Variants in CCDC88A observed in about 807,000 individuals in gnomAD.
CCDC88A encodes the protein coiled-coil and HOOK domain protein 88A, also known as girdin.
In CCDC88A, 54 loss-of-function variants were observed where a neutral mutation model predicts 234.3. That is an observed-to-expected ratio of 0.23 (90% confidence interval 0.19 to 0.29). The LOEUF is 0.29. Ranked by LOEUF, CCDC88A falls within the 10% of genes least tolerant of loss-of-function variation. The pLI, the probability that CCDC88A is intolerant of heterozygous loss-of-function variation, is 1.00. For synonymous variants in CCDC88A, 753 were observed against 737.8 expected, an observed-to-expected ratio of 1.02 and a Z score of -0.33; for missense variants, 1,832 against 2,123.4, an observed-to-expected ratio of 0.86 and a Z score of 2.70.
rs1035474180 is a variant in CCDC88A, at chr2:55,318,935, T to C, written c.3232A>G (p.Asn1078Asp). Residue 1078 changes from asparagine (N) to aspartate (D), a missense_variant, in exon 19 of 33, where the codon AAT becomes GAT. Asn to Asp is a conservative substitution (Grantham distance 23). Around this residue, in one of 6 missense-constraint regions of CCDC88A, gnomAD observed 1,282 missense variants for 1,543.6 expected, o/e 0.83. Transcript: ENST00000436346. Reference protein sequence around the residue: ...QLKQLETQNNNLQAQILALQR... With the variant: ...QLKQLETQNNDLQAQILALQR... ...AGTGCAAGAATCTGAGCCTGCAAAT[T>C]ATTGTTCTGTGTCTCAAGTTGCTTC... The C allele has an allele frequency of 1.9e-6, 3 of 1,613,612 alleles. No individual in the cohort carries two copies. Among genetic ancestry groups the C allele is most frequent in the African/African-American group, 1.3e-5 (1 of 75,052 alleles).
rs1416130437 is a variant in CCDC88A at position 55,334,692 on chromosome 2, A to G, written c.2129T>C (p.Val710Ala). The change falls in exon 15 of 33, where the codon GTA becomes GCA. Residue 710 changes from valine to alanine, a missense_variant. Coordinates refer to ENST00000436346, the MANE Select transcript of CCDC88A (RefSeq NM_001365480.1). The surrounding 1 kb of genome is among the most constrained non-coding windows in gnomAD (Gnocchi z 6.1). ...CATGCTTGCACACTTCAAAGATTCT[A>G]CATTCCTTCGCAGTTCTAAGTTTTC... ...DEENLELRRNVESLKCASMKM... is the reference protein window; with the variant it reads ...DEENLELRRNAESLKCASMKM... The G allele has an allele frequency of 3.7e-6, 6 of 1,613,682 alleles. No homozygotes were observed. The highest frequency in any genetic ancestry group is 2.2e-5 in the East Asian group (1 of 44,832).
At chr2:55,387,242 T>C (rs1574410026) in intron 3 of CCDC88A, among the ~76,000 whole-genome samples, 2 of 150,390 alleles carry the variant, frequency 1.3e-5, no homozygotes, top group East Asian at 3.9e-4. Flanking sequence ...TCTCAATATT[T>C]AATTTGTAGG....
intron 7 of CCDC88A, among the ~76,000 whole-genome samples, chr2:55,358,368 T>A (rs1670862078): frequency 6.6e-6 from 1 of 152,176 alleles, no homozygotes; most frequent in African/African-American, 2.4e-5. Flanking sequence ...TGGTCCACCA[T>A]CAGTTTTCTC....
At position 55,316,006 on chromosome 2, in the gene CCDC88A, T is replaced by C. The variant is rs755503335; in HGVS notation, c.3855A>G (p.Leu1285=). The C allele has an allele frequency of 5.7e-6, 9 of 1,588,830 alleles. No individual in the cohort carries two copies. The highest frequency in any genetic ancestry group is 7.7e-6 in the Non-Finnish European group (9 of 1,167,364). ...CCTTTAGTTTTGAAAATTCAGCTTC[T>C]AATCTTGTTTGTTCCAGTTTGGAAT... The part of the protein sequence containing the change: ...LNNSKLEQTR[L]EAEFSKLKEQ... The change falls in exon 22 of 33, where the codon TTA becomes TTG. Residue 1285 remains leucine (L), a synonymous_variant. Transcript: ENST00000436346.
chr2:55,367,038 T>G (rs1448175807), intron 5 of CCDC88A, among the ~76,000 whole-genome samples: 1 of 152,192 alleles, frequency 6.6e-6, no homozygotes, highest in Non-Finnish European at 1.5e-5. Flanking sequence ...TGAACAAAAT[T>G]TGGCATATAT....
At chr2:55,409,598 C>T (rs2104977825) in intron 2 of CCDC88A, among the ~76,000 whole-genome samples, 1 of 152,272 alleles carries the variant, frequency 6.6e-6, no homozygotes. Context: ...TGAACTAGCC[C>T]TTCATCCCTC....
At chr2:55,322,110 G>C (rs1159028971) in intron 18 of CCDC88A, among the ~76,000 whole-genome samples, 1 of 152,084 alleles carries the variant, frequency 6.6e-6, no homozygotes, top group Admixed American at 6.6e-5. Context: ...CACTATTCTA[G>C]ATAGTAAAGG....
chr2:55,326,631 C>G (rs1056507342), intron 17 of CCDC88A, among the ~76,000 whole-genome samples: 1 of 152,102 alleles, frequency 6.6e-6, no homozygotes, highest in Non-Finnish European at 1.5e-5. Context: ...GGCAGGATGT[C>G]AGCTCACTGC....
chr2:55,374,355 C>T (rs973300922), intron 4 of CCDC88A, among the ~76,000 whole-genome samples: 8 of 151,874 alleles, frequency 5.3e-5, no homozygotes, highest in South Asian at 4.2e-4. Flanking sequence ...GCAACAAGAG[C>T]GAAACTGCAT....
chr2:55,304,420 G>A (rs1256488600), intron 25 of CCDC88A, among the ~76,000 whole-genome samples: 1 of 152,034 alleles, frequency 6.6e-6, no homozygotes, highest in Admixed American at 6.6e-5. Context: ...CAGCACCACT[G>A]AAATAAAAAT....
rs1167947929 is a variant in CCDC88A, at chr2:55,335,724, T to C, written c.1657-560A>G. On this transcript the variant is annotated intron_variant, in intron 14 of 32. Coordinates refer to ENST00000436346, the MANE Select transcript of CCDC88A (RefSeq NM_001365480.1). This position sits in a 1 kb window ranked among gnomAD's most constrained non-coding sequence, Gnocchi z 4.5. Reference sequence around the variant, plus strand: ...GAACTAATTCATCCAATTTATAGCGTGATCTAATACAATGATTCTCAAAAT... The same window carrying C: ...GAACTAATTCATCCAATTTATAGCGCGATCTAATACAATGATTCTCAAAAT... Among the ~76,000 whole-genome samples, 2 of 152,318 alleles carry C rather than the reference T, an allele frequency of 1.3e-5. No individual in the cohort carries two copies. The highest frequency in any genetic ancestry group is 4.1e-4 in the South Asian group (2 of 4,832).
At chr2:55,364,270 G>A (rs1574292672) in intron 5 of CCDC88A, 2 of 327,834 alleles carry the variant, frequency 6.1e-6, no homozygotes, top group East Asian at 1.2e-4. Flanking sequence ...TCTAAAGTGG[G>A]AAACCATTAC....
At chr2:55,308,015 T>C (rs1681849728) in intron 25 of CCDC88A, 1 of 153,004 alleles carries the variant, frequency 6.5e-6, no homozygotes, top group African/African-American at 2.4e-5. Context: ...TTCACTCTTG[T>C]TGCCCAGGCT....
In CCDC88A at chr2:55,332,284, A is replaced by C. The variant is rs1685011485; in HGVS notation, c.2855+282T>G. 5.3e-6 allele frequency: 1 copy of C among 187,724 alleles called. No homozygotes were observed. The highest frequency in any genetic ancestry group is 1.0e-5 in the Non-Finnish European group (1 of 95,252). 11.6% of individuals were successfully genotyped at this position (187,724 alleles called of 1,614,324 possible). A position where few individuals can be genotyped will look rare whatever the true frequency, so the allele number is the denominator to read the frequency against. ...CAGGCATGCACCACCATGCCCAGCT[A>C]ATTTTTTTTGTATTTTTAGTAAAGA... On this transcript the variant is annotated intron_variant, in intron 16 of 32. Coordinates refer to ENST00000436346, the MANE Select transcript of CCDC88A (RefSeq NM_001365480.1). This position sits in a 1 kb window ranked among gnomAD's most constrained non-coding sequence, Gnocchi z 4.5.
intron 3 of CCDC88A, 31 bp from the exon 4 acceptor site, chr2:55,374,914 G>A: frequency 7.5e-7 from 1 of 1,327,122 alleles, no homozygotes; most frequent in Non-Finnish European, 1.1e-6. Flanking sequence ...CTTGTTATAT[G>A]GGTAATGCTA....
chr2:55,391,030 T>C (rs1676554879), intron 2 of CCDC88A, among the ~76,000 whole-genome samples: 1 of 152,170 alleles, frequency 6.6e-6, no homozygotes, highest in Non-Finnish European at 1.5e-5. Flanking sequence ...AAATTGTGCA[T>C]GTATAACCTA....
chr2:55,390,834 G>A (rs1400063184), intron 2 of CCDC88A, among the ~76,000 whole-genome samples: 6 of 152,138 alleles, frequency 3.9e-5, no homozygotes, highest in African/African-American at 1.4e-4. Context: ...CTGCCTTTAA[G>A]ATTTTGGCTT....
chr2:55,296,566 G>C, intron 29 of CCDC88A, 43 bp from the exon 30 acceptor site: 1 of 1,570,458 alleles, frequency 6.4e-7, no homozygotes, highest in Non-Finnish European at 8.7e-7. Flanking sequence ...TAATAGAATT[G>C]AGATTAATAC....
chr2:55,418,966 T>A (rs766023550), intron 1 of CCDC88A, 50 bp from the exon 2 acceptor site: 6 of 1,594,772 alleles, frequency 3.8e-6, no homozygotes, highest in Non-Finnish European at 5.2e-6. Flanking sequence ...CCTCCATCTC[T>A]GCAGCCACAA....
Sources: allele counts gnomAD v4.1 joint callset (sites outside exome capture counted in the v4.1 genomes callset), GRCh38; gene constraint gnomAD v4.1.1; regional missense constraint gnomAD v4.1.1; non-coding constraint Gnocchi (gnomAD v3.1); transcripts MANE v1.5; gene names NCBI Gene and HGNC (gene_info 2026-07-23, HGNC 2026-07-21).